Variants in ANO3 observed in about 807,000 individuals in gnomAD.
ANO3 encodes anoctamin 3, also known as anoctamin-3.
In ANO3, 99 loss-of-function variants were observed where a neutral mutation model predicts 144.8. The observed-to-expected ratio is 0.68, with a 90% CI of 0.58 to 0.81. ANO3 has a LOEUF of 0.81. Among genes scored for constraint, ANO3 ranks in the 30% least tolerant of loss-of-function variants. The pLI is 0.00. For synonymous variants in ANO3, 414 were observed against 392.6 expected (o/e 1.05, Z -0.64); for missense variants, 905 against 1,202.2 (o/e 0.75, Z 3.66).
chr11:26,242,697 T>G (rs1362674843), intron 1 of ANO3, among the ~76,000 whole-genome samples: 2 of 152,210 alleles, frequency 1.3e-5, no homozygotes, highest in Non-Finnish European at 2.9e-5. Context: ...ATTCTGCTAT[T>G]TGCTAGCTTA....
chr11:26,308,228 T>C (rs1854428322), upstream of ANO3, among the ~76,000 whole-genome samples: 1 of 152,212 alleles, frequency 6.6e-6, no homozygotes, highest in Admixed American at 6.5e-5. Context: ...AAGTTTTCTC[T>C]CTGTGACTTC....
At chr11:26,248,063 G>A (rs371598384) in intron 1 of ANO3, among the ~76,000 whole-genome samples, 61 of 152,052 alleles carry the variant, frequency 4.0e-4, no homozygotes, top group Admixed American at 3.0e-3. Context: ...AGGATTGGCC[G>A]AGCATGGTGG....
chr11:26,270,153 A>C (rs2133835421), intron 1 of ANO3, among the ~76,000 whole-genome samples: 1 of 152,312 alleles, frequency 6.6e-6, no homozygotes, highest in African/African-American at 2.4e-5. Context: ...GAATTTGGAA[A>C]TATATTACCT....
At chr11:26,358,972 A>G (rs998807990) in intron 1 of ANO3, among the ~76,000 whole-genome samples, 1 of 152,134 alleles carries the variant, frequency 6.6e-6, no homozygotes, top group Non-Finnish European at 1.5e-5. Context: ...AACTTCATGA[A>G]CATATGGTGG....
At chr11:26,595,457 G>GTTTTTT (rs1411703035) in intron 14 of ANO3, among the ~76,000 whole-genome samples, 40 of 67,838 alleles carry the variant, frequency 5.9e-4, no homozygotes, top group African/African-American at 1.7e-3. Flanking sequence ...TTGAGATAGA[G>GTTTTTT]TTGTTTTTTT....
At position 26,284,315 on chromosome 11, in the gene ANO3, A is replaced by G. The variant is rs546954476; in HGVS notation, c.155-25330A>G. On this transcript the variant is annotated intron_variant, in intron 1 of 27. Transcript: ENST00000672621. ...AAGTGCCGATATGGAGTGGAGTGGCATAGAATAAAACACGAATTCCTAATG... is the reference window on the plus strand; with the variant it reads ...AAGTGCCGATATGGAGTGGAGTGGCGTAGAATAAAACACGAATTCCTAATG... Among the ~76,000 whole-genome samples the G allele has an allele frequency of 1.4e-3, 209 of 152,334 alleles. 1 individual carries two copies. Among genetic ancestry groups the G allele is most frequent in the African/African-American group, 4.9e-3 (202 of 41,586 alleles).
chr11:26,497,538 C>T (rs1217275429), intron 4 of ANO3, among the ~76,000 whole-genome samples: 1 of 151,998 alleles, frequency 6.6e-6, no homozygotes, highest in Non-Finnish European at 1.5e-5. Flanking sequence ...TATTTGATTT[C>T]ATGGGAAAGA....
intron 1 of ANO3, among the ~76,000 whole-genome samples, chr11:26,376,448 C>T (rs1486890595): frequency 6.6e-5 from 10 of 152,062 alleles, no homozygotes; most frequent in Non-Finnish European, 1.5e-5. Context: ...TAATTTTTCA[C>T]CCTTGTTCTG....
intron 14 of ANO3, chr11:26,567,155 G>T: frequency 7.3e-7 from 1 of 1,374,206 alleles, no homozygotes; most frequent in Non-Finnish European, 9.5e-7. Context: ...AAATGGAAGA[G>T]GCAATATTTA....
chr11:26,360,347 G>C (rs1855894349), intron 1 of ANO3, among the ~76,000 whole-genome samples: 1 of 151,970 alleles, frequency 6.6e-6, no homozygotes, highest in Non-Finnish European at 1.5e-5. Context: ...TGTGGGCTGG[G>C]TCTGGTTCCT....
chr11:26,353,860 G>A (rs574420539), intron 1 of ANO3, among the ~76,000 whole-genome samples: 41 of 152,246 alleles, frequency 2.7e-4, no homozygotes, highest in South Asian at 6.2e-4. Context: ...GAGCCACCGC[G>A]CCGGGCCTCA....
intron 4 of ANO3, chr11:26,474,248 C>A: frequency 7.4e-6 from 2 of 269,958 alleles, no homozygotes; most frequent in South Asian, 1.4e-4. Context: ...TTGAGTGTAT[C>A]TGTTATTTCA....
chr11:26,285,097 AT>A lies in ANO3; in HGVS notation c.155-24537del, dbSNP rs60725629. Among the ~76,000 whole-genome samples, 993 of 149,378 alleles carry A rather than the reference AT, an allele frequency of 6.6e-3. 10 individuals are homozygous for A. Among genetic ancestry groups the A allele is most frequent in the African/African-American group, 0.018 (749 of 40,918 alleles). On this transcript the variant is annotated intron_variant, in intron 1 of 27. Transcript: ENST00000672621. Reference sequence around the variant, plus strand: ...CTATGTGGTTTATTTACTGTGTACAATTTTTTTTTTTAATTATGGTAAGGTT... The same window carrying A: ...CTATGTGGTTTATTTACTGTGTACAATTTTTTTTTTAATTATGGTAAGGTT...
intron 1 of ANO3, among the ~76,000 whole-genome samples, chr11:26,441,123 T>G (rs59637336): frequency 0.031 from 3,820 of 123,516 alleles, 170 homozygotes; most frequent in African/African-American, 0.11. Flanking sequence ...TTTTTTTTTT[T>G]TTTTTTTTTT....
chr11:26,368,320 G>A (rs1277998491), intron 1 of ANO3, among the ~76,000 whole-genome samples: 4 of 152,094 alleles, frequency 2.6e-5, no homozygotes, highest in Non-Finnish European at 5.9e-5. Context: ...GAAACTATGA[G>A]CTGTAGATTT....
intron 1 of ANO3, among the ~76,000 whole-genome samples, chr11:26,335,885 G>T (rs1307247178): frequency 1.3e-5 from 2 of 152,142 alleles, no homozygotes; most frequent in Non-Finnish European, 2.9e-5. Context: ...TTATGAAGAA[G>T]ATATACACAA....
chr11:26,355,770 G>C (rs919033395), intron 1 of ANO3, among the ~76,000 whole-genome samples: 7 of 152,020 alleles, frequency 4.6e-5, no homozygotes, highest in African/African-American at 1.4e-4. Flanking sequence ...ATGTTGACCA[G>C]CCTGGTCTCG....
At chr11:26,297,068 A>C (rs1345845203) in intron 1 of ANO3, among the ~76,000 whole-genome samples, 2 of 152,092 alleles carry the variant, frequency 1.3e-5, no homozygotes, top group African/African-American at 4.8e-5. Flanking sequence ...CAAAATATTT[A>C]TATAATATAC....
intron 13 of ANO3, among the ~76,000 whole-genome samples, chr11:26,554,719 T>G (rs1850035644): frequency 6.6e-6 from 1 of 152,120 alleles, no homozygotes. Flanking sequence ...GTGCTTTCCT[T>G]GACAGATGGT....
Sources: allele counts gnomAD v4.1 joint callset (sites outside exome capture counted in the v4.1 genomes callset), GRCh38; gene constraint gnomAD v4.1.1; transcripts MANE v1.5; gene names NCBI Gene and HGNC (gene_info 2026-07-23, HGNC 2026-07-21).